The following SYK variants were observed in gnomAD, a reference collection of about 807,000 sequenced individuals.
The protein encoded by SYK is spleen associated tyrosine kinase, also known as tyrosine-protein kinase SYK.
SYK carries 16 observed loss-of-function variants against 77.8 expected under a neutral mutation model. The observed-to-expected ratio is 0.21, with a 90% CI of 0.14 to 0.31. The LOEUF is 0.31. SYK is among the 10% of genes least tolerant of loss of function. The pLI, the probability that SYK is intolerant of heterozygous loss-of-function variation, is 1.00. For missense variants in SYK, 529 were observed against 814.4 expected (o/e 0.65, Z 4.26); for synonymous variants, 312 against 308.7 (o/e 1.01, Z -0.11).
rs1370869370 is a variant in SYK at position 90,898,072 on chromosome 9, G to A, written c.*2472G>A. 2 of 228,032 alleles carry A rather than the reference G, an allele frequency of 8.8e-6. No individual in the cohort carries two copies. The highest frequency in any genetic ancestry group is 8.7e-6 in the Non-Finnish European group (1 of 114,984). 14.1% of individuals were successfully genotyped at this position (228,032 alleles called of 1,614,324 possible). ...TTGTTCTACCCAAGCTTTTCCCTGG[G>A]GTCTGGGCTCACTCCATAAGGTAAG... On this transcript the variant is annotated 3_prime_UTR_variant, in exon 14 of 14. Transcript: ENST00000375754.
intron 1 of SYK, among the ~76,000 whole-genome samples, chr9:90,838,175 C>T (rs906014258): frequency 1.2e-4 from 18 of 152,162 alleles, no homozygotes; most frequent in African/African-American, 4.1e-4. Flanking sequence ...AGATCAGGAG[C>T]TCAGTGGAGA....
chr9:90,839,154 G>GC (rs1479785481), intron 1 of SYK, among the ~76,000 whole-genome samples: 1 of 152,198 alleles, frequency 6.6e-6, no homozygotes, highest in African/African-American at 2.4e-5. Flanking sequence ...CCAGGACAAG[G>GC]CCCCGGGTGG....
intron 4 of SYK, among the ~76,000 whole-genome samples, chr9:90,864,255 G>A (rs1327005335): frequency 6.6e-6 from 1 of 152,154 alleles, no homozygotes. Flanking sequence ...TGTAGTCCCT[G>A]AAGAGAATGG....
chr9:90,881,624 G>A (rs2118907693), intron 11 of SYK, among the ~76,000 whole-genome samples: 1 of 140,074 alleles, frequency 7.1e-6, no homozygotes, highest in Non-Finnish European at 1.5e-5. Context: ...AGGTTGCAGT[G>A]AGCTGAGATC....
At chr9:90,884,934 C>CAT (rs1292583872) in intron 11 of SYK, among the ~76,000 whole-genome samples, 1 of 33,166 alleles carries the variant, frequency 3.0e-5, no homozygotes, top group African/African-American at 1.5e-4. Context: ...TACATATGCA[C>CAT]ATATGTGTAT....
intron 13 of SYK, 48 bp downstream of exon 13, chr9:90,888,675 G>T: frequency 1.5e-6 from 2 of 1,377,520 alleles, no homozygotes; most frequent in South Asian, 1.4e-5. Context: ...TCTGGAAACA[G>T]GTGAAATGGT....
chr9:90,834,907 A>C (rs1470224985), intron 1 of SYK, among the ~76,000 whole-genome samples: 1 of 152,250 alleles, frequency 6.6e-6, no homozygotes, highest in Non-Finnish European at 1.5e-5. Context: ...TTGTGTCCAC[A>C]ACAGCTGACA....
chr9:90,814,933 T>G (rs1024012902), intron 1 of SYK, among the ~76,000 whole-genome samples: 1 of 152,110 alleles, frequency 6.6e-6, no homozygotes. Flanking sequence ...GCAGCAGCCC[T>G]CCAAGCGGTA....
Position 90,817,845 on chromosome 9 carries a change from T to TTGTGTGTGTGTGTGTG in SYK, c.-42+15975_-42+15990dup, listed in dbSNP as rs746939088. On this transcript the variant is annotated intron_variant, in intron 1 of 13. Transcript: ENST00000375754. ...AATATTTCCTCCCTTCTCAATAATG[T>TTGTGTGTGTGTGTGTG]TGTGTGTGTGTGTGTGTGTGTGTGT... Among the ~76,000 whole-genome samples the TTGTGTGTGTGTGTGTG allele has an allele frequency of 6.5e-3, 893 of 137,490 alleles. 7 individuals carry two copies. Among genetic ancestry groups the TTGTGTGTGTGTGTGTG allele is most frequent in the Middle Eastern group, 0.011 (3 of 270 alleles). 90.2% of individuals were successfully genotyped at this position (137,490 alleles called of 152,430 possible).
At chr9:90,862,493 AAC>A (rs551444047) in intron 4 of SYK, 149 bp downstream of exon 4, 1 of 966,996 alleles carries the variant, frequency 1.0e-6, no homozygotes, top group Non-Finnish European at 1.5e-6. Context: ...GCTCATGAGA[AAC>A]ACACACCTGG....
intron 3 of SYK, among the ~76,000 whole-genome samples, chr9:90,848,619 C>T (rs1015244242): frequency 2.6e-5 from 4 of 152,168 alleles, no homozygotes; most frequent in Non-Finnish European, 2.9e-5. Flanking sequence ...ATTCTCCTAA[C>T]GAATGTGCTC....
intron 1 of SYK, among the ~76,000 whole-genome samples, chr9:90,821,481 A>G (rs1825512072): frequency 6.6e-6 from 1 of 152,152 alleles, no homozygotes; most frequent in African/African-American, 2.4e-5. Flanking sequence ...CCCCTGATAA[A>G]CCCATTAGAT....
chr9:90,884,252 T>TATAC (rs1828309395), intron 11 of SYK, among the ~76,000 whole-genome samples: 2 of 45,826 alleles, frequency 4.4e-5, no homozygotes, highest in African/African-American at 1.3e-4. Context: ...TATATACACA[T>TATAC]ACACATACAC....
intron 1 of SYK, among the ~76,000 whole-genome samples, chr9:90,808,772 G>A (rs1332522675): frequency 6.6e-6 from 1 of 152,064 alleles, no homozygotes; most frequent in Non-Finnish European, 1.5e-5. Context: ...TCAGGTCTCT[G>A]TCGCTTCTAA....
At chr9:90,807,028 T>C (rs1463264452) in intron 1 of SYK, among the ~76,000 whole-genome samples, 4 of 152,336 alleles carry the variant, frequency 2.6e-5, no homozygotes, top group African/African-American at 9.6e-5. Context: ...CTCAAGTAAG[T>C]AAGCATGAGA....
Position 90,898,302 on chromosome 9 carries a change from T to G in SYK, c.*2702T>G, listed in dbSNP as rs1218081951. 1 of 229,294 alleles carries G rather than the reference T, an allele frequency of 4.4e-6. No homozygotes were observed. The highest frequency in any genetic ancestry group is 8.6e-6 in the Non-Finnish European group (1 of 115,686). 14.2% of individuals were successfully genotyped at this position (229,294 alleles called of 1,614,324 possible). Reference sequence around the variant, plus strand: ...ATCTGAGCGTGTCCTTCTCCCATACTCCCTATCAGCCAGCCCTGCCTGTAG... The same window carrying G: ...ATCTGAGCGTGTCCTTCTCCCATACGCCCTATCAGCCAGCCCTGCCTGTAG... On this transcript the variant is annotated 3_prime_UTR_variant, in exon 14 of 14. Transcript: ENST00000375754.
intron 9 of SYK, 113 bp from the exon 10 acceptor site, chr9:90,877,458 G>A (rs1234743288): frequency 3.4e-6 from 4 of 1,186,026 alleles, no homozygotes; most frequent in Non-Finnish European, 4.8e-6. Context: ...GCCACTCTGT[G>A]GCAGGTATTT....
At position 90,877,660 on chromosome 9, in the gene SYK, T is replaced by C; in HGVS notation, c.1271T>C (p.Met424Thr). Residue 424 changes from methionine to threonine, a missense_variant, in exon 10 of 14, where the codon ATG (methionine) becomes ACG (threonine). Met to Thr is a moderately conservative substitution (Grantham distance 81, BLOSUM62 -1). Transcript: ENST00000375754. ...GAGTTATTAGCAGAAGCAAATGTCA[T>C]GCAGCAGCTGGACAACCCGTACATC... is the stretch of plus-strand genomic sequence containing the variant. The part of the protein sequence containing the change: ...KDELLAEANV[M>T]QQLDNPYIVR... The C allele has an allele frequency of 6.2e-7, 1 of 1,614,236 alleles. No individual in the cohort carries two copies. The highest frequency in any genetic ancestry group is 8.5e-7 in the Non-Finnish European group (1 of 1,180,032).
rs1829029560 is a variant in SYK, at chr9:90,897,338, C to T, written c.*1738C>T. On this transcript the variant is annotated 3_prime_UTR_variant, in exon 14 of 14. Transcript: ENST00000375754. ...TAATCATATTTTTAAAGACAGAATC[C>T]CTGAGTGCTGAGCAGATTCTCAAAA... is the stretch of plus-strand genomic sequence containing the variant. 1 of 230,890 alleles carries T rather than the reference C, an allele frequency of 4.3e-6. No individual in the cohort carries two copies. The allele number at this position is 230,890 out of a possible 1,614,324, so 14.3% of individuals were successfully genotyped here.
Sources: allele counts gnomAD v4.1 joint callset (sites outside exome capture counted in the v4.1 genomes callset), GRCh38; gene constraint gnomAD v4.1.1; transcripts MANE v1.5; gene names NCBI Gene and HGNC (gene_info 2026-07-23, HGNC 2026-07-21).